The following TAFA1 variants were observed in gnomAD, a reference collection of about 807,000 sequenced individuals.
TAFA1 encodes the protein TAFA chemokine like family member 1, also known as chemokine-like protein TAFA-1.
A neutral mutation model predicts 18.5 loss-of-function variants in TAFA1; 4 were observed. The ratio of observed to expected loss-of-function variants is 0.22; its 90% CI spans 0.11 to 0.49. The LOEUF (loss-of-function observed/expected upper bound fraction) is 0.49, where lower values mean the gene tolerates loss of function less well. TAFA1 is among the 20% of genes least tolerant of loss of function. The pLI, the probability that TAFA1 is intolerant of heterozygous loss-of-function variation, is 0.98. For missense variants in TAFA1, 147 were observed against 169.0 expected (o/e 0.87, Z 0.72); for synonymous variants, 56 against 55.2 (o/e 1.01, Z -0.06).
chr3:68,397,956 C>T (rs993575010), intron 2 of TAFA1, among the ~76,000 whole-genome samples: 12 of 152,204 alleles, frequency 7.9e-5, no homozygotes, highest in Middle Eastern at 3.4e-3. Context: ...ATGCCTATGT[C>T]CTGAATGGTA....
Position 68,406,687 on chromosome 3 carries a change from C to A in TAFA1, c.119-10593C>A, listed in dbSNP as rs541614611. The stretch of plus-strand genomic sequence containing the variant: ...AGAGAATAGAAAAGTGGAGATATAT[C>A]CTCAGCCTTATTTTAACAAAAATTT... On this transcript the variant is annotated intron_variant, in intron 2 of 4. Coordinates refer to ENST00000478136, the MANE Select transcript of TAFA1 (RefSeq NM_213609.4). 1.3e-4 allele frequency among the ~76,000 whole-genome samples: 20 copies of A among 152,310 alleles called. No individual in the cohort carries two copies. The South Asian group carries it at 3.9e-3, about 30-fold the overall frequency.
At chr3:68,463,271 T>C (rs2071819357) in intron 3 of TAFA1, among the ~76,000 whole-genome samples, 1 of 152,178 alleles carries the variant, frequency 6.6e-6, no homozygotes, top group South Asian at 2.1e-4. Flanking sequence ...TCTATGGATA[T>C]AATCAATAGA....
Position 68,081,114 on chromosome 3 carries a change from G to A in TAFA1, c.118+74370G>A, listed in dbSNP as rs371943724. On this transcript the variant is annotated intron_variant, in intron 2 of 4. Transcript: ENST00000478136. ...TTCCAGTTGATCGCATCGGCTCCTG[G>A]GGCTTCTGCATTCTTCACGTAGTTC... Among the ~76,000 whole-genome samples, 4 of 152,008 alleles carry A rather than the reference G, an allele frequency of 2.6e-5. 1 individual carries two copies. The highest frequency in any genetic ancestry group is 4.2e-4 in the South Asian group (2 of 4,800).
intron 3 of TAFA1, among the ~76,000 whole-genome samples, chr3:68,478,251 T>C (rs988903298): frequency 3.9e-5 from 6 of 152,200 alleles, no homozygotes; most frequent in African/African-American, 1.4e-4. Context: ...TTGAGAAGAA[T>C]TCTCAGTGAT....
At chr3:68,075,972 C>T (rs2064818238) in intron 2 of TAFA1, among the ~76,000 whole-genome samples, 1 of 152,190 alleles carries the variant, frequency 6.6e-6, no homozygotes, top group South Asian at 2.1e-4. Context: ...GCTGGGATTA[C>T]AGGCATTAGC....
Position 68,419,078 on chromosome 3 carries a change from C to CA in TAFA1, c.259+1666dup, listed in dbSNP as rs1287277820. 2.6e-5 allele frequency among the ~76,000 whole-genome samples: 4 copies of CA among 152,056 alleles called. No homozygotes were observed. In the East Asian group the frequency reaches 5.8e-4, roughly 22 times the overall value. Reference sequence around the variant, plus strand: ...TTGTTTCCTCGCCTCGTGAACCTCTCAAAAAAAACTTGATGTCCTCACAAC... The same window carrying CA: ...TTGTTTCCTCGCCTCGTGAACCTCTCAAAAAAAAACTTGATGTCCTCACAAC... On this transcript the variant is annotated intron_variant, in intron 3 of 4. Coordinates refer to ENST00000478136, the MANE Select transcript of TAFA1 (RefSeq NM_213609.4).
At chr3:68,077,103 CT>C (rs1188156085) in intron 2 of TAFA1, among the ~76,000 whole-genome samples, 1 of 149,362 alleles carries the variant, frequency 6.7e-6, no homozygotes, top group Non-Finnish European at 1.5e-5. Context: ...GCATAAATGT[CT>C]TCTTTTGAGA....
At chr3:68,312,859 T>C (rs2068543603) in intron 2 of TAFA1, among the ~76,000 whole-genome samples, 2 of 152,216 alleles carry the variant, frequency 1.3e-5, no homozygotes, top group South Asian at 2.1e-4. Context: ...GATGAAGACA[T>C]ACCTGAGACT....
chr3:68,174,765 G>A (rs1156672881), intron 2 of TAFA1, among the ~76,000 whole-genome samples: 4 of 152,212 alleles, frequency 2.6e-5, no homozygotes, highest in African/African-American at 7.2e-5. Flanking sequence ...ATTTTCTGAG[G>A]AGAAATTCAA....
intron 2 of TAFA1, among the ~76,000 whole-genome samples, chr3:68,413,891 A>C (rs2070763707): frequency 6.6e-6 from 1 of 152,040 alleles, no homozygotes; most frequent in Admixed American, 6.6e-5. Flanking sequence ...TGAGCCAGAG[A>C]TCTGTTGGGA....
chr3:67,998,550 A>G, the TAFA1 span, among the ~76,000 whole-genome samples: 2 of 152,200 alleles, frequency 1.3e-5, no homozygotes, highest in African/African-American at 4.8e-5. Context: ...AAGTTAAACT[A>G]ATGAGGCATG....
chr3:68,038,787 T>C (rs1181093967), intron 2 of TAFA1, among the ~76,000 whole-genome samples: 1 of 152,184 alleles, frequency 6.6e-6, no homozygotes, highest in Non-Finnish European at 1.5e-5. Context: ...AGCCAAGATG[T>C]TTTTGAATTC....
intron 2 of TAFA1, among the ~76,000 whole-genome samples, chr3:68,104,604 T>C (rs909033351): frequency 5.3e-5 from 8 of 152,082 alleles, no homozygotes. Context: ...AAACCAGGAA[T>C]TGGCAAACTA....
At chr3:68,281,950 AAAG>A (rs2067905704) in intron 2 of TAFA1, among the ~76,000 whole-genome samples, 1 of 152,288 alleles carries the variant, frequency 6.6e-6, no homozygotes, top group South Asian at 2.1e-4. Flanking sequence ...TTTATAAAGG[AAAG>A]AAGTTTAATT....
intron 3 of TAFA1, among the ~76,000 whole-genome samples, chr3:68,503,116 C>T (rs2072685238): frequency 6.6e-6 from 1 of 152,146 alleles, no homozygotes; most frequent in African/African-American, 2.4e-5. Context: ...AAGTTCCATA[C>T]TTGATCTCAT....
intron 2 of TAFA1, among the ~76,000 whole-genome samples, chr3:68,094,702 G>A (rs1559518109): frequency 6.6e-6 from 1 of 152,046 alleles, no homozygotes; most frequent in African/African-American, 2.4e-5. Context: ...TAACCCCCAT[G>A]AGCCTCAGTA....
intron 2 of TAFA1, among the ~76,000 whole-genome samples, chr3:68,195,930 G>A (rs980235515): frequency 1.3e-5 from 2 of 151,648 alleles, no homozygotes; most frequent in Non-Finnish European, 3.0e-5. Flanking sequence ...CTGTGAAAAT[G>A]TCTTGGACCC....
chr3:68,228,427 A>T (rs905987033), intron 2 of TAFA1, among the ~76,000 whole-genome samples: 4 of 152,132 alleles, frequency 2.6e-5, no homozygotes, highest in African/African-American at 9.7e-5. Context: ...GACCTCTATA[A>T]ATATCAACTG....
At chr3:68,228,475 C>T (rs115991089) in intron 2 of TAFA1, among the ~76,000 whole-genome samples, 3,146 of 152,198 alleles carry the variant, frequency 0.021, 50 homozygotes, top group Non-Finnish European at 0.03. Context: ...AAAATATTTC[C>T]GCAGAAAATA....
Sources: allele counts gnomAD v4.1 joint callset (sites outside exome capture counted in the v4.1 genomes callset), GRCh38; gene constraint gnomAD v4.1.1; transcripts MANE v1.5; gene names NCBI Gene and HGNC (gene_info 2026-07-23, HGNC 2026-07-21).